The following PCNT variants were observed in gnomAD, a reference collection of about 807,000 sequenced individuals.
The protein encoded by PCNT is pericentrin.
In PCNT, 319 loss-of-function variants were observed where a neutral mutation model predicts 380.4. That is an observed-to-expected ratio of 0.84 (90% CI 0.77 to 0.92). The LOEUF is 0.92. Among genes scored for constraint, PCNT ranks in the 40% least tolerant of loss-of-function variants. The pLI, the probability that PCNT is intolerant of heterozygous loss-of-function variation, is 0.00. For missense variants in PCNT, 4,400 were observed against 4,255.3 expected (o/e 1.03, Z -0.95); for synonymous variants, 1,845 against 1,735.2 (o/e 1.06, Z -1.57).
chr21:46,345,427 A>G (rs1407659409), intron 3 of PCNT, among the ~76,000 whole-genome samples: 1 of 152,150 alleles, frequency 6.6e-6, no homozygotes, highest in African/African-American at 2.4e-5. Context: ...CATGTTGGCC[A>G]GGCTGGTCTC....
At chr21:46,357,918 G>A (rs944027753) in intron 13 of PCNT, among the ~76,000 whole-genome samples, 1 of 152,220 alleles carries the variant, frequency 6.6e-6, no homozygotes, top group Non-Finnish European at 1.5e-5. Flanking sequence ...TGACTCCCTC[G>A]CCCTTTGCGA....
intron 32 of PCNT, among the ~76,000 whole-genome samples, chr21:46,424,392 C>T (rs1602061737): frequency 3.3e-5 from 5 of 152,252 alleles, no homozygotes; most frequent in Admixed American, 3.3e-4. Flanking sequence ...CCTTCTCAGC[C>T]CTAGTGATTG....
Position 46,413,011 on chromosome 21 carries a change from G to C in PCNT, c.6150+19G>C. 6.2e-7 allele frequency: 1 copy of C among 1,603,164 alleles called. No individual in the cohort carries two copies. The highest frequency in any genetic ancestry group is 1.7e-4 in the Middle Eastern group (1 of 6,056). On this transcript the variant is annotated intron_variant, in intron 29 of 46. Transcript: ENST00000359568. ...CGGCAAGGTGTGGGGAGGGGGGAAGGCGCGAGGTCCCCCCGGGAGAGGCTG... is the reference window on the plus strand; with the variant it reads ...CGGCAAGGTGTGGGGAGGGGGGAAGCCGCGAGGTCCCCCCGGGAGAGGCTG...
intron 3 of PCNT, among the ~76,000 whole-genome samples, chr21:46,341,550 A>T (rs973153293): frequency 2.0e-5 from 3 of 151,916 alleles, no homozygotes; most frequent in Non-Finnish European, 4.4e-5. Context: ...ATTTTTTTGT[A>T]GAGATGGGAT....
rs767110943 is a variant in PCNT at position 46,334,657 on chromosome 21, C to T, written c.528C>T (p.Asp176=). Residue 176 remains aspartate, a synonymous_variant, in exon 3 of 47, where the codon GAC becomes GAT. Transcript: ENST00000359568. ...PEQRGMFTIS[D]HQPEQRGMFT... ...AGCGTGGGATGTTCACAATCAGTGA[C>T]CACCAACCGGAACAGCGTGGGATGT... 6.2e-7 allele frequency: 1 copy of T among 1,605,108 alleles called. No homozygotes were observed. Among genetic ancestry groups the T allele is most frequent in the Admixed American group, 1.7e-5 (1 of 59,312 alleles).
rs1306582083 is a variant in PCNT, at chr21:46,442,706, G to A, written c.9700+133G>A. 5 of 722,340 alleles carry A rather than the reference G, an allele frequency of 6.9e-6. No homozygotes were observed. The East Asian group carries it at 8.1e-5, about 12-fold the overall frequency. 44.7% of individuals were successfully genotyped at this position (722,340 alleles called of 1,614,324 possible). ...CACGGTAAGAAAATCCGTGAATTCC[G>A]TCAGAGCAGTCGTCCAGAGGGAAGG... On this transcript the variant is annotated intron_variant, in intron 44 of 46. Transcript: ENST00000359568.
At chr21:46,367,186 C>T in intron 15 of PCNT, 47 bp downstream of exon 15, 1 of 1,526,204 alleles carries the variant, frequency 6.6e-7, no homozygotes, top group Non-Finnish European at 9.0e-7. Flanking sequence ...CCTCTCCTCG[C>T]TGCCTGTGTG....
intron 3 of PCNT, among the ~76,000 whole-genome samples, chr21:46,344,424 C>A (rs1366084844): frequency 6.6e-6 from 1 of 152,226 alleles, no homozygotes; most frequent in African/African-American, 2.4e-5. Context: ...TGGCCGCCCA[C>A]CCTGGGGACG....
chr21:46,348,787 G>C (rs1569180416), intron 6 of PCNT, among the ~76,000 whole-genome samples: 2 of 151,398 alleles, frequency 1.3e-5, no homozygotes, highest in African/African-American at 4.9e-5. Flanking sequence ...ACTAATTTTT[G>C]TATTTTTTTT....
chr21:46,382,463 T>C (rs1199694429), intron 16 of PCNT, among the ~76,000 whole-genome samples: 3 of 146,444 alleles, frequency 2.0e-5, no homozygotes, highest in Non-Finnish European at 3.0e-5. Flanking sequence ...GCATTCACCA[T>C]GTTGTATATT....
At chr21:46,377,480 A>G (rs984213292) in intron 15 of PCNT, among the ~76,000 whole-genome samples, 1 of 152,188 alleles carries the variant, frequency 6.6e-6, no homozygotes, top group African/African-American at 2.4e-5. Flanking sequence ...AGGCCTTTTT[A>G]TATTTAAATC....
At chr21:46,340,035 TA>T (rs1276229525) in intron 3 of PCNT, among the ~76,000 whole-genome samples, 1 of 152,072 alleles carries the variant, frequency 6.6e-6, no homozygotes, top group African/African-American at 2.4e-5. Flanking sequence ...CAAGACTGGG[TA>T]ATTAAGGAAG....
chr21:46,382,165 T>C (rs2085575169), intron 16 of PCNT, among the ~76,000 whole-genome samples: 1 of 144,154 alleles, frequency 6.9e-6, no homozygotes, highest in African/African-American at 2.6e-5. Context: ...ATTCATAGTG[T>C]AGATTCAGTG....
chr21:46,354,136 C>T, intron 11 of PCNT, 68 bp downstream of exon 11: 1 of 1,329,716 alleles, frequency 7.5e-7, no homozygotes, highest in Non-Finnish European at 1.1e-6. Flanking sequence ...GCGTCTTCCA[C>T]ATTATAGAGC....
intron 27 of PCNT, among the ~76,000 whole-genome samples, chr21:46,410,056 CG>C (rs1313386649): frequency 3.9e-5 from 6 of 152,234 alleles, no homozygotes; most frequent in Non-Finnish European, 8.8e-5. Context: ...GCAGAAGCTG[CG>C]TATAATCAGA....
At chr21:46,349,503 T>G (rs2084191269) in intron 7 of PCNT, among the ~76,000 whole-genome samples, 181 bp from the exon 8 acceptor site, 1 of 152,116 alleles carries the variant, frequency 6.6e-6, no homozygotes, top group Non-Finnish European at 1.5e-5. Context: ...TCATGGTGGG[T>G]GGCATGGGTA....
intron 42 of PCNT, 24 bp from the exon 43 acceptor site, chr21:46,440,831 A>G: frequency 7.0e-7 from 1 of 1,436,648 alleles, no homozygotes; most frequent in Non-Finnish European, 9.8e-7. Context: ...CTATGATAAA[A>G]TTTTACTGCT....
chr21:46,353,715 G>GGTGTGTGTGTGTGTGTGT (rs72175446), intron 10 of PCNT, among the ~76,000 whole-genome samples: 13 of 129,046 alleles, frequency 1.0e-4, no homozygotes, highest in African/African-American at 3.1e-4. Context: ...CTCTCCTCCA[G>GGTGTGTGTGTGTGTGTGT]GTGTGTGTGT....
At chr21:46,325,098 A>G (rs2083329950) in intron 1 of PCNT, 1 of 985,472 alleles carries the variant, frequency 1.0e-6, no homozygotes, top group South Asian at 4.7e-5. Flanking sequence ...TTTGATGGCC[A>G]CTGTCCTAGG....
Sources: gnomAD v4.1 joint callset for allele counts (sites outside exome capture counted in the v4.1 genomes callset) on GRCh38, gnomAD v4.1.1 for gene constraint, MANE v1.5 for transcripts, NCBI Gene and HGNC (gene_info 2026-07-23, HGNC 2026-07-21) for gene names.